Variants in ARAP3 observed in about 807,000 individuals in gnomAD.
ARAP3 encodes the protein ArfGAP with RhoGAP domain, ankyrin repeat and PH domain 3.
Under a neutral mutation model 169.2 loss-of-function variants are expected in ARAP3, and 82 were observed. That is an observed-to-expected ratio of 0.48 (90% CI 0.41 to 0.58). The LOEUF (loss-of-function observed/expected upper bound fraction) is 0.58, where lower values mean the gene tolerates loss of function less well. Among genes scored for constraint, ARAP3 ranks in the 20% least tolerant of loss-of-function variants. ARAP3 has a pLI of 0.00. For missense variants in ARAP3, 1,764 were observed against 2,018.0 expected, an observed-to-expected ratio of 0.87 and a Z score of 2.41; for synonymous variants, 791 against 800.3, an observed-to-expected ratio of 0.99 and a Z score of 0.20.
chr5:141,666,030 C>A (rs2099910578), intron 17 of ARAP3, among the ~76,000 whole-genome samples: 1 of 135,888 alleles, frequency 7.4e-6, no homozygotes, highest in Non-Finnish European at 1.5e-5. Context: ...CAGAGCGTGA[C>A]TCTGTCTCCA....
chr5:141,659,104 C>T (rs745612276), intron 23 of ARAP3, among the ~76,000 whole-genome samples: 1 of 152,126 alleles, frequency 6.6e-6, no homozygotes. Context: ...ACTAACTCGT[C>T]CTTGGATCTC....
Position 141,654,397 on chromosome 5 carries a change from C to T in ARAP3, c.4188G>A (p.Glu1396=), listed in dbSNP as rs1231254780. The change falls in exon 33 of 33, where the codon GAG becomes GAA. Residue 1396 remains glutamate, a synonymous_variant. Coordinates refer to ENST00000239440, the MANE Select transcript of ARAP3 (RefSeq NM_022481.6). Reference sequence around the variant, plus strand: ...CCTCGTACACAGGCTCCTCCAGCTCCTCTTGCTCCTCCACAGACCCCTGGG... The same window carrying T: ...CCTCGTACACAGGCTCCTCCAGCTCTTCTTGCTCCTCCACAGACCCCTGGG... The part of the protein sequence containing the change: ...KSSQGSVEEQ[E]ELEEPVYEEP... 1 of 1,608,820 alleles carries T rather than the reference C, an allele frequency of 6.2e-7. No individual in the cohort carries two copies. Among genetic ancestry groups the T allele is most frequent in the Non-Finnish European group, 8.5e-7 (1 of 1,177,106 alleles).
Position 141,662,069 on chromosome 5 carries a change from A to T in ARAP3, c.2987T>A (p.Leu996Ter). 6.2e-7 allele frequency: 1 copy of T among 1,614,186 alleles called. No individual in the cohort carries two copies. Among genetic ancestry groups the T allele is most frequent in the Non-Finnish European group, 8.5e-7 (1 of 1,180,030 alleles). ...AGCAGCCTCCCTCCAGCGAGGCAGC[A>T]ACCGTGCAGAGGTCACAGGGTCATC... ...ELDDPVTSAR[L>*]LPRWREAAEL... The change falls in exon 20 of 33, where the codon TTG (leucine) becomes TAG (stop). Residue 996 changes from leucine (L) to a stop codon, truncating the protein, a stop_gained. Coordinates refer to ENST00000239440, the MANE Select transcript of ARAP3 (RefSeq NM_022481.6). LOFTEE classifies it high-confidence loss of function.
At chr5:141,663,378 A>T (rs1378243279) in intron 19 of ARAP3, among the ~76,000 whole-genome samples, 1 of 151,932 alleles carries the variant, frequency 6.6e-6, no homozygotes, top group Admixed American at 6.6e-5. Flanking sequence ...GCTCACTGCA[A>T]CCTCACCTCA....
chr5:141,673,062 G>T lies in ARAP3; in HGVS notation c.1044C>A (p.Phe348Leu). 1 of 1,614,160 alleles carries T rather than the reference G, an allele frequency of 6.2e-7. No homozygotes were observed. ...ACACCCTCTGGCCGGTGATGACCTG[G>T]AACTTGTTGTCCTTGCTGCTGCGGG... ...EMTRSSKDNK[F>L]QVITGQRVFV... Residue 348 changes from phenylalanine (F) to leucine (L), a missense_variant, in exon 7 of 33, where the codon TTC (phenylalanine) becomes TTA (leucine). Transcript: ENST00000239440.
Position 141,673,861 on chromosome 5 carries a change from C to T in ARAP3, c.699-53G>A, listed in dbSNP as rs948133590. ...ACACATTAGACAAGTACCCCGGACA[C>T]CCTCTTTGTACTTTCTCCATCCTAC... On this transcript the variant is annotated intron_variant, in intron 4 of 32. Transcript: ENST00000239440. 13 of 1,566,908 alleles carry T rather than the reference C, an allele frequency of 8.3e-6. No individual in the cohort carries two copies. The South Asian group carries it at 1.0e-4, about 12-fold the overall frequency.
chr5:141,674,957 G>A (rs1259047778), intron 4 of ARAP3, among the ~76,000 whole-genome samples: 2 of 152,174 alleles, frequency 1.3e-5, no homozygotes, highest in Non-Finnish European at 2.9e-5. Flanking sequence ...TCCCTTGCAG[G>A]AAGCCCTTCA....
At chr5:141,680,709 A>G (rs747914976) in intron 1 of ARAP3, 99 of 820,248 alleles carry the variant, frequency 1.2e-4, no homozygotes, top group Non-Finnish European at 1.7e-4. Context: ...AAGTTAAGGA[A>G]ACTGAGGCCC....
In ARAP3 at chr5:141,654,114, TGCTGAG is replaced by T. The variant is rs2099908882; in HGVS notation, c.4465_4470del (p.Leu1489_Ser1490del). On this transcript the variant is annotated inframe_deletion, in exon 33 of 33. Transcript: ENST00000239440. ...GTCTCTCCTTTCCTCAGGATGAGGCTGCTGAGCTCCTGGAGCAGCTGTTCCTCTAGG... is the reference window on the plus strand; with the variant it reads ...GTCTCTCCTTTCCTCAGGATGAGGCTCTCCTGGAGCAGCTGTTCCTCTAGG... 1 of 1,612,184 alleles carries T rather than the reference TGCTGAG, an allele frequency of 6.2e-7. No homozygotes were observed. The highest frequency in any genetic ancestry group is 8.5e-7 in the Non-Finnish European group (1 of 1,178,876).
intron 4 of ARAP3, among the ~76,000 whole-genome samples, chr5:141,676,184 C>T (rs928598780): frequency 6.6e-5 from 10 of 152,126 alleles, no homozygotes; most frequent in African/African-American, 2.2e-4. Flanking sequence ...CCCGTCTCTA[C>T]TAAAAGTACA....
intron 16 of ARAP3, among the ~76,000 whole-genome samples, chr5:141,668,946 AG>A (rs1010746525): frequency 1.3e-5 from 2 of 152,216 alleles, no homozygotes; most frequent in African/African-American, 4.8e-5. Flanking sequence ...GGAAGGCACC[AG>A]GGTGAAAAGT....
intron 4 of ARAP3, among the ~76,000 whole-genome samples, chr5:141,674,254 C>T (rs1425812069): frequency 6.6e-6 from 1 of 152,062 alleles, no homozygotes; most frequent in African/African-American, 2.4e-5. Flanking sequence ...TGAGCCATCA[C>T]GCCCAGCCTC....
Position 141,679,159 on chromosome 5 carries a change from C to T in ARAP3, c.698+386G>A, listed in dbSNP as rs552304325. Reference sequence around the variant, plus strand: ...TAAAAATTAGCCGGGCATGGTGGCACGCACCTGTAATCCCAGCTACTCGGG... The same window carrying T: ...TAAAAATTAGCCGGGCATGGTGGCATGCACCTGTAATCCCAGCTACTCGGG... On this transcript the variant is annotated intron_variant, in intron 4 of 32. Transcript: ENST00000239440. Among the ~76,000 whole-genome samples the T allele has an allele frequency of 2.0e-4, 30 of 152,156 alleles. No homozygotes were observed. The East Asian group carries it at 2.3e-3, about 12-fold the overall frequency.
In ARAP3 at chr5:141,653,823, G is replaced by T; in HGVS notation, c.*127C>A. 1 of 1,363,610 alleles carries T rather than the reference G, an allele frequency of 7.3e-7. No individual in the cohort carries two copies. 84.5% of individuals were successfully genotyped at this position (1,363,610 alleles called of 1,614,324 possible). A position where few individuals can be genotyped will look rare whatever the true frequency, so the allele number is the denominator to read the frequency against. ...CAGCCACTGAAGCCTTTAGTCCAGT[G>T]CTCCTTCCACAGCACCACACTGGAT... On this transcript the variant is annotated 3_prime_UTR_variant, in exon 33 of 33. Coordinates refer to ENST00000239440, the MANE Select transcript of ARAP3 (RefSeq NM_022481.6).
chr5:141,659,325 T>C, intron 23 of ARAP3, 83 bp downstream of exon 23: 1 of 1,361,584 alleles, frequency 7.3e-7, no homozygotes, highest in South Asian at 1.2e-5. Flanking sequence ...GGCTGGAAAC[T>C]TCCTCAACTG....
intron 26 of ARAP3, 24 bp from the exon 27 acceptor site, chr5:141,656,661 G>A (rs770798387): frequency 6.2e-7 from 1 of 1,613,428 alleles, no homozygotes; most frequent in Non-Finnish European, 8.5e-7. Context: ...GGCAATCCTG[G>A]GTGGAGGATG....
At chr5:141,665,861 T>G (rs1030151197) in intron 17 of ARAP3, among the ~76,000 whole-genome samples, 6 of 151,798 alleles carry the variant, frequency 4.0e-5, no homozygotes, top group Admixed American at 1.3e-4. Context: ...TGAAACCCCT[T>G]CTCTACTAAA....
At chr5:141,666,048 A>AT (rs1562412532) in intron 17 of ARAP3, among the ~76,000 whole-genome samples, 354 of 146,628 alleles carry the variant, frequency 2.4e-3, no homozygotes, top group African/African-American at 8.0e-3. Context: ...CCAAAAAAAA[A>AT]AAAAAATAAT....
chr5:141,659,599 A>G, intron 22 of ARAP3, 123 bp from the exon 23 acceptor site: 1 of 1,319,102 alleles, frequency 7.6e-7, no homozygotes, highest in Non-Finnish European at 1.1e-6. Flanking sequence ...CAAGGGGGTG[A>G]GGATGTTGGA....
Sources: allele counts gnomAD v4.1 joint callset (sites outside exome capture counted in the v4.1 genomes callset), GRCh38; gene constraint gnomAD v4.1.1; transcripts MANE v1.5; gene names NCBI Gene and HGNC (gene_info 2026-07-23, HGNC 2026-07-21).